The following SCN10A variants were observed in gnomAD, a reference collection of about 807,000 sequenced individuals.
The protein encoded by SCN10A is sodium channel protein type 10 subunit alpha.
In SCN10A, 162 loss-of-function variants were observed where a neutral mutation model predicts 170.7. The observed-to-expected ratio is 0.95, with a 90% confidence interval of 0.84 to 1.08. The LOEUF (loss-of-function observed/expected upper bound fraction) is 1.08. Among genes scored for constraint, SCN10A ranks in the 50% least tolerant of loss-of-function variants. The probability of loss-of-function intolerance (pLI) is 0.00; values close to 1 mark genes in which losing one functional copy is unlikely to be tolerated. For synonymous variants in SCN10A, 985 were observed against 904.6 expected, an observed-to-expected ratio of 1.09 and a Z score of -1.59; for missense variants, 2,527 against 2,436.9, an observed-to-expected ratio of 1.04 and a Z score of -0.78.
At chr3:38,767,563 G>T (rs13071311) in intron 5 of SCN10A, among the ~76,000 whole-genome samples, 24,912 of 151,724 alleles carry the variant, frequency 0.16, 2,338 homozygotes, top group African/African-American at 0.25. Context: ...GTTTCTTTTG[G>T]AGTTAACTCC....
chr3:38,761,239 T>G lies in SCN10A; in HGVS notation c.836A>C (p.Asn279Thr). ...KGNLKNKCVK[N>T]DMAVNETTNY... ...GGTTGTCTCATTGACAGCCATGTCA[T>G]TCTTGACACATTTATTTTTGAGGTT... The change falls in exon 7 of 28, where the codon AAT becomes ACT. Residue 279 changes from asparagine to threonine, a missense_variant. Transcript: ENST00000449082. 6.2e-7 allele frequency: 1 copy of G among 1,610,030 alleles called. No individual in the cohort carries two copies.
Position 38,717,881 on chromosome 3 carries a change from T to C in SCN10A, c.3681+772A>G, listed in dbSNP as rs562323901. Among the ~76,000 whole-genome samples the C allele has an allele frequency of 1.8e-4, 27 of 152,354 alleles. No individual in the cohort carries two copies. The South Asian group carries it at 5.6e-3, about 32-fold the overall frequency. ...AAGAAGGTAGTGGCCTAGACAGTGA[T>C]AGTGCAATGTGGTGGTTAAGATGAG... On this transcript the variant is annotated intron_variant, in intron 21 of 27. Coordinates refer to ENST00000449082, the MANE Select transcript of SCN10A (RefSeq NM_006514.4).
intron 5 of SCN10A, among the ~76,000 whole-genome samples, chr3:38,768,933 C>T (rs1292523930): frequency 4.6e-5 from 7 of 151,970 alleles, no homozygotes; most frequent in Non-Finnish European, 7.4e-5. Context: ...ATTTATTGGC[C>T]GATTTGTCAT....
intron 1 of SCN10A, among the ~76,000 whole-genome samples, chr3:38,806,104 G>C (rs1433519994): frequency 1.3e-5 from 2 of 152,180 alleles, no homozygotes; most frequent in South Asian, 2.1e-4. Flanking sequence ...TGCTGAATGA[G>C]AGTGTCAGGC....
At chr3:38,812,112 G>A (rs59478900) in intron 1 of SCN10A, among the ~76,000 whole-genome samples, 43,005 of 152,170 alleles carry the variant, frequency 0.28, 7,635 homozygotes, top group Admixed American at 0.4. Flanking sequence ...GGCAGCCAGC[G>A]CTTTTAAAAA....
intron 4 of SCN10A, among the ~76,000 whole-genome samples, chr3:38,772,717 ACAACAAC>A (rs1319580231): frequency 9.7e-4 from 79 of 81,644 alleles, no homozygotes; most frequent in African/African-American, 3.6e-3. Context: ...AGCAACAACA[ACAACAAC>A]AAAAACAAAA....
chr3:38,717,371 G>A (rs767296018), intron 21 of SCN10A, among the ~76,000 whole-genome samples: 8 of 152,252 alleles, frequency 5.3e-5, no homozygotes, highest in Non-Finnish European at 8.8e-5. Context: ...GTGCATGACC[G>A]TTTAAGGTGA....
intron 25 of SCN10A, among the ~76,000 whole-genome samples, chr3:38,707,842 A>G (rs550122039): frequency 6.6e-6 from 1 of 152,246 alleles, no homozygotes; most frequent in South Asian, 2.1e-4. Flanking sequence ...TCTGGAGAGG[A>G]GGAGATGAGG....
intron 1 of SCN10A, among the ~76,000 whole-genome samples, chr3:38,803,318 A>G (rs568735051): frequency 6.6e-6 from 1 of 152,304 alleles, no homozygotes; most frequent in African/African-American, 2.4e-5. Flanking sequence ...CCAAAGGATT[A>G]TAAATCATGC....
At chr3:38,752,584 C>A in intron 11 of SCN10A, 72 bp from the exon 12 acceptor site, 1 of 1,261,074 alleles carries the variant, frequency 7.9e-7, no homozygotes, top group East Asian at 2.7e-5. Flanking sequence ...CAACACTTCC[C>A]TCTACCTACT....
In SCN10A at chr3:38,773,693, G is replaced by A. The variant is rs1399129354; in HGVS notation, c.471-2286C>T. Among the ~76,000 whole-genome samples, 11 of 152,324 alleles carry A rather than the reference G, an allele frequency of 7.2e-5. No homozygotes were observed. In the South Asian group the frequency reaches 1.7e-3, roughly 23 times the overall value. ...TAGTCAAAGTACACTGCATGACACA[G>A]CTGTAAACAGTGTTTACTTAGCAAT... On this transcript the variant is annotated intron_variant, in intron 4 of 27. Coordinates refer to ENST00000449082, the MANE Select transcript of SCN10A (RefSeq NM_006514.4).
intron 1 of SCN10A, among the ~76,000 whole-genome samples, chr3:38,810,517 C>CA (rs2064433639): frequency 6.6e-6 from 1 of 152,224 alleles, no homozygotes; most frequent in African/African-American, 2.4e-5. Context: ...AATGTCACTT[C>CA]ATCAGGGAGG....
intron 16 of SCN10A, among the ~76,000 whole-genome samples, 177 bp from the exon 17 acceptor site, chr3:38,727,229 G>A (rs1369289657): frequency 2.0e-5 from 3 of 152,180 alleles, no homozygotes; most frequent in Non-Finnish European, 4.4e-5. Flanking sequence ...GGAAAGTTTG[G>A]GGATGTCCTG....
chr3:38,702,322 C>T (rs573989260), intron 26 of SCN10A, among the ~76,000 whole-genome samples: 3 of 152,350 alleles, frequency 2.0e-5, no homozygotes, highest in East Asian at 1.9e-4. Context: ...TTTGATGCCA[C>T]CAGGCCCTTC....
In SCN10A at chr3:38,723,125, G is replaced by A. The variant is rs2063412359; in HGVS notation, c.3352+305C>T. On this transcript the variant is annotated intron_variant, in intron 19 of 27. Transcript: ENST00000449082. Reference sequence around the variant, plus strand: ...AAGAGTTTTCAGTGGTGTTTATGGTGGTGACTACGTTTCCCCCTTTCAACT... The same window carrying A: ...AAGAGTTTTCAGTGGTGTTTATGGTAGTGACTACGTTTCCCCCTTTCAACT... Among the ~76,000 whole-genome samples, 3 of 152,154 alleles carry A rather than the reference G, an allele frequency of 2.0e-5. No homozygotes were observed. The South Asian group carries it at 6.2e-4, about 32-fold the overall frequency.
intron 15 of SCN10A, among the ~76,000 whole-genome samples, chr3:38,738,457 C>A (rs2063594164): frequency 6.6e-6 from 1 of 152,144 alleles, no homozygotes; most frequent in African/African-American, 2.4e-5. Context: ...GTCTCACTGG[C>A]CCCTGTGATA....
intron 15 of SCN10A, among the ~76,000 whole-genome samples, chr3:38,735,610 G>A (rs994707868): frequency 1.6e-4 from 25 of 152,178 alleles, no homozygotes; most frequent in African/African-American, 5.5e-4. Flanking sequence ...AAGTGTGCAG[G>A]CCAAGATATT....
chr3:38,788,252 A>C (rs2064234117), intron 4 of SCN10A, among the ~76,000 whole-genome samples: 1 of 150,646 alleles, frequency 6.6e-6, no homozygotes. Context: ...AAGCTCTGCA[A>C]AGCACCTGTT....
At chr3:38,732,662 T>C (rs1383812682) in intron 15 of SCN10A, among the ~76,000 whole-genome samples, 1 of 152,204 alleles carries the variant, frequency 6.6e-6, no homozygotes, top group Non-Finnish European at 1.5e-5. Context: ...TGTCAATCTA[T>C]GTTATTCAGT....
Sources: gnomAD v4.1 joint callset for allele counts (sites outside exome capture counted in the v4.1 genomes callset) on GRCh38, gnomAD v4.1.1 for gene constraint, MANE v1.5 for transcripts, NCBI Gene and HGNC (gene_info 2026-07-23, HGNC 2026-07-21) for gene names.